The following ASTN1 variants were observed in gnomAD, a reference collection of about 807,000 sequenced individuals.
ASTN1 encodes the protein astrotactin 1, also known as astrotactin-1.
Under a neutral mutation model 140.7 loss-of-function variants are expected in ASTN1, and 41 were observed. The observed-to-expected ratio is 0.29, with a 90% CI of 0.23 to 0.38. ASTN1 has a LOEUF of 0.38. Ranked by LOEUF, ASTN1 falls within the 10% of genes least tolerant of loss-of-function variation. The probability of loss-of-function intolerance (pLI) is 1.00; values close to 1 mark genes in which losing one functional copy is unlikely to be tolerated. For missense variants in ASTN1, 1,479 were observed against 1,678.8 expected (o/e 0.88, Z 2.08); for synonymous variants, 640 against 652.2 (o/e 0.98, Z 0.29).
chr1:176,907,011 A>G (rs1670034438), intron 16 of ASTN1, among the ~76,000 whole-genome samples: 1 of 152,216 alleles, frequency 6.6e-6, no homozygotes, highest in Non-Finnish European at 1.5e-5. Context: ...GTATTCATGT[A>G]GAAGCATTCA....
At chr1:176,911,534 T>C (rs971667369) in intron 16 of ASTN1, among the ~76,000 whole-genome samples, 1 of 152,132 alleles carries the variant, frequency 6.6e-6, no homozygotes, top group African/African-American at 2.4e-5. Context: ...TTTTAAATTT[T>C]TATTTTTTTA....
At chr1:176,995,801 G>C (rs1674411645) in intron 8 of ASTN1, among the ~76,000 whole-genome samples, 1 of 152,108 alleles carries the variant, frequency 6.6e-6, no homozygotes. Flanking sequence ...ATAAATCAGG[G>C]GGCAGGAAGC....
At chr1:177,082,599 C>T (rs559960786) in intron 1 of ASTN1, among the ~76,000 whole-genome samples, 3 of 152,152 alleles carry the variant, frequency 2.0e-5, no homozygotes, top group East Asian at 1.9e-4. Flanking sequence ...CAGGTCTCAG[C>T]GCCAGGATGT....
rs148722284 is a variant in ASTN1, at chr1:176,942,820, G to GTA, written c.2377+1069_2377+1070dup. Among the ~76,000 whole-genome samples the GTA allele has an allele frequency of 1.1e-3, 28 of 25,294 alleles. 1 individual carries two copies. Among genetic ancestry groups the GTA allele is most frequent in the Admixed American group, 7.8e-3 (14 of 1,798 alleles). The allele number at this position is 25,294 out of a possible 152,430, so 16.6% of individuals were successfully genotyped here. On this transcript the variant is annotated intron_variant, in intron 14 of 22. Coordinates refer to ENST00000361833, the MANE Select transcript of ASTN1 (RefSeq NM_004319.3). Reference sequence around the variant, plus strand: ...CCAAACCAATGTACTTTGTGTGTGTGTATATATATATATATGTATATATAT... The same window carrying GTA: ...CCAAACCAATGTACTTTGTGTGTGTGTATATATATATATATATGTATATATAT...
chr1:176,926,029 G>C (rs1472659278), intron 16 of ASTN1, among the ~76,000 whole-genome samples: 14 of 151,924 alleles, frequency 9.2e-5, no homozygotes, highest in Non-Finnish European at 2.9e-5. Flanking sequence ...GGATGGTCTC[G>C]ATCTTCTGAC....
intron 16 of ASTN1, among the ~76,000 whole-genome samples, chr1:176,922,350 G>A (rs992543325): frequency 6.6e-6 from 1 of 152,050 alleles, no homozygotes; most frequent in South Asian, 2.1e-4. Flanking sequence ...AGCTGACACA[G>A]CTGGGCACTT....
At chr1:177,099,492 G>C (rs183351113) in intron 1 of ASTN1, among the ~76,000 whole-genome samples, 7 of 152,174 alleles carry the variant, frequency 4.6e-5, no homozygotes, top group Admixed American at 4.6e-4. Flanking sequence ...TTCATTGACT[G>C]TGAGGGCTTC....
chr1:176,924,936 G>T (rs1375901351), intron 16 of ASTN1, among the ~76,000 whole-genome samples: 2 of 152,152 alleles, frequency 1.3e-5, no homozygotes, highest in Admixed American at 6.5e-5. Flanking sequence ...AAGCAACCTA[G>T]ACAGAGCTTT....
In ASTN1 at chr1:176,863,989, C is replaced by T. The variant is rs1668048339; in HGVS notation, c.*295G>A. 8.6e-7 allele frequency: 1 copy of T among 1,156,974 alleles called. No homozygotes were observed. 71.7% of individuals were successfully genotyped at this position (1,156,974 alleles called of 1,614,324 possible). A position where few individuals can be genotyped will look rare whatever the true frequency, so the allele number is the denominator to read the frequency against. ...CTCTTGAGCATTTTGGTAAACTTCT[C>T]AGGGAAAAAAAAATGAATGGAACAA... On this transcript the variant is annotated 3_prime_UTR_variant, in exon 23 of 23. Coordinates refer to ENST00000361833, the MANE Select transcript of ASTN1 (RefSeq NM_004319.3).
intron 18 of ASTN1, among the ~76,000 whole-genome samples, chr1:176,886,612 C>T (rs1027813804): frequency 1.3e-5 from 2 of 152,220 alleles, no homozygotes; most frequent in Non-Finnish European, 2.9e-5. Context: ...AGAGAGAAGA[C>T]AGACTGTGGA....
intron 18 of ASTN1, among the ~76,000 whole-genome samples, chr1:176,886,838 C>A (rs1194495951): frequency 6.6e-6 from 1 of 152,228 alleles, no homozygotes; most frequent in African/African-American, 2.4e-5. Flanking sequence ...TTCAGGATTT[C>A]TTTGCCTTAC....
intron 1 of ASTN1, among the ~76,000 whole-genome samples, chr1:177,092,686 G>T (rs1377501638): frequency 6.6e-6 from 1 of 152,098 alleles, no homozygotes; most frequent in Non-Finnish European, 1.5e-5. Flanking sequence ...ATATGGCATG[G>T]GGTAAAGGTC....
chr1:176,934,546 G>T (rs1671349988), intron 15 of ASTN1, among the ~76,000 whole-genome samples: 1 of 151,790 alleles, frequency 6.6e-6, no homozygotes, highest in African/African-American at 2.4e-5. Context: ...CCAGTTGGTT[G>T]TATTAACTTT....
Position 176,863,622 on chromosome 1 carries a change from T to A in ASTN1, c.*662A>T. On this transcript the variant is annotated 3_prime_UTR_variant, in exon 23 of 23. Transcript: ENST00000361833. ...ACAGAGGGAGATTTAATCCCAGTCC[T>A]GGCTTAAAATAAGGAAGGATCTCAA... 1 of 985,576 alleles carries A rather than the reference T, an allele frequency of 1.0e-6. No individual in the cohort carries two copies. Among genetic ancestry groups the A allele is most frequent in the African/African-American group, 1.7e-5 (1 of 57,376 alleles). 61.1% of individuals were successfully genotyped at this position (985,576 alleles called of 1,614,324 possible).
intron 1 of ASTN1, among the ~76,000 whole-genome samples, chr1:177,110,799 G>C (rs1036609056): frequency 6.6e-6 from 1 of 152,176 alleles, no homozygotes; most frequent in Non-Finnish European, 1.5e-5. Context: ...CATACCCTGC[G>C]CTGTTACACC....
chr1:177,075,622 T>C (rs1262834061), intron 1 of ASTN1, among the ~76,000 whole-genome samples: 1 of 137,750 alleles, frequency 7.3e-6, no homozygotes, highest in Non-Finnish European at 1.5e-5. Context: ...TCTTTCTTTC[T>C]TTCTTTTCTT....
intron 8 of ASTN1, among the ~76,000 whole-genome samples, chr1:176,998,739 C>G (rs1674577857): frequency 6.6e-6 from 1 of 152,202 alleles, no homozygotes; most frequent in African/African-American, 2.4e-5. Context: ...AGAGGGAGAG[C>G]AAGACATAAA....
At chr1:176,859,908 GT>G (rs1285391496), downstream of ASTN1, among the ~76,000 whole-genome samples, 7 of 152,202 alleles carry the variant, frequency 4.6e-5, no homozygotes, top group Non-Finnish European at 7.3e-5. Context: ...TCTCTTTCAT[GT>G]GGTATTGGTG....
chr1:176,964,523 C>G (rs1298549835), intron 9 of ASTN1, among the ~76,000 whole-genome samples: 1 of 152,190 alleles, frequency 6.6e-6, no homozygotes, highest in African/African-American at 2.4e-5. Flanking sequence ...ATAATTGAAT[C>G]CTTCCTGGCT....
Sources: gnomAD v4.1 joint callset for allele counts (sites outside exome capture counted in the v4.1 genomes callset) on GRCh38, gnomAD v4.1.1 for gene constraint, MANE v1.5 for transcripts, NCBI Gene and HGNC (gene_info 2026-07-23, HGNC 2026-07-21) for gene names.